PPM1H: variants seen among roughly 807,000 people sequenced by gnomAD.
PPM1H encodes the protein protein phosphatase 1H.
A neutral mutation model predicts 54.9 loss-of-function variants in PPM1H; 27 were observed. The observed-to-expected ratio is 0.49, with a 90% CI of 0.36 to 0.68. The LOEUF (loss-of-function observed/expected upper bound fraction) is 0.68. Among genes scored for constraint, PPM1H ranks in the 30% least tolerant of loss-of-function variants. The pLI is 0.00. For synonymous variants in PPM1H, 305 were observed against 270.8 expected, an observed-to-expected ratio of 1.13 and a Z score of -1.24; for missense variants, 596 against 667.8, an observed-to-expected ratio of 0.89 and a Z score of 1.19.
chr12:62,734,188 G>A (rs1477156617), intron 5 of PPM1H, among the ~76,000 whole-genome samples: 2 of 150,970 alleles, frequency 1.3e-5, no homozygotes, highest in African/African-American at 2.4e-5. Context: ...TACAAATCAG[G>A]AAGTAGAGCC....
intron 2 of PPM1H, among the ~76,000 whole-genome samples, chr12:62,806,341 A>G (rs11615499): frequency 0.1 from 15,585 of 152,266 alleles, 883 homozygotes; most frequent in African/African-American, 0.13. Context: ...TTTTAATTCA[A>G]CCAATATGTG....
intron 1 of PPM1H, among the ~76,000 whole-genome samples, chr12:62,908,720 A>C (rs1424130824): frequency 6.6e-6 from 1 of 152,246 alleles, no homozygotes; most frequent in Non-Finnish European, 1.5e-5. Flanking sequence ...AATGGGTAAC[A>C]AAAGAGATGC....
At chr12:62,905,328 C>T (rs1410326372) in intron 1 of PPM1H, among the ~76,000 whole-genome samples, 1 of 152,076 alleles carries the variant, frequency 6.6e-6, no homozygotes. Flanking sequence ...ATTGGCAAGG[C>T]TCAACGTGTG....
At chr12:62,732,995 A>T (rs1322970584) in intron 5 of PPM1H, among the ~76,000 whole-genome samples, 1 of 152,192 alleles carries the variant, frequency 6.6e-6, no homozygotes, top group Non-Finnish European at 1.5e-5. Flanking sequence ...AAAATAATGA[A>T]TCAGTAGGAT....
intron 1 of PPM1H, among the ~76,000 whole-genome samples, chr12:62,857,260 T>A (rs909301158): frequency 2.6e-5 from 4 of 151,918 alleles, no homozygotes; most frequent in African/African-American, 9.7e-5. Flanking sequence ...GAAGGAAAGA[T>A]TACTACTGTT....
rs533781091 is a variant in PPM1H, at chr12:62,718,233, G to A, written c.1073+1938C>T. 4.6e-5 allele frequency among the ~76,000 whole-genome samples: 7 copies of A among 152,318 alleles called. No homozygotes were observed. In the South Asian group the frequency reaches 1.2e-3, roughly 27 times the overall value. ...CATATTTAAATAGGCAACTGGTGCTGTCAATGACTTAACCTCTTACCTTTA... is the reference window on the plus strand; with the variant it reads ...CATATTTAAATAGGCAACTGGTGCTATCAATGACTTAACCTCTTACCTTTA... On this transcript the variant is annotated intron_variant, in intron 6 of 9. Transcript: ENST00000228705.
chr12:62,821,228 A>C (rs1282464702), intron 2 of PPM1H, among the ~76,000 whole-genome samples: 1 of 152,218 alleles, frequency 6.6e-6, no homozygotes, highest in Non-Finnish European at 1.5e-5. Flanking sequence ...GAGAAAAAAA[A>C]GTAAAAAGAA....
chr12:62,658,858 C>CA (rs1565747149), intron 9 of PPM1H: 11 of 589,782 alleles, frequency 1.9e-5, no homozygotes, highest in Admixed American at 3.9e-5. Context: ...CCAAGATTGT[C>CA]AAAAAAAGAA....
At chr12:62,828,288 C>T (rs747257990) in intron 2 of PPM1H, among the ~76,000 whole-genome samples, 19 of 152,204 alleles carry the variant, frequency 1.2e-4, no homozygotes, top group Admixed American at 2.0e-4. Flanking sequence ...CACTCCACTC[C>T]TATGACTTTT....
chr12:62,762,259 A>AG (rs1292869750), intron 4 of PPM1H, among the ~76,000 whole-genome samples: 1 of 152,178 alleles, frequency 6.6e-6, no homozygotes, highest in Non-Finnish European at 1.5e-5. Context: ...GCTTGTCCAG[A>AG]GGGGGCTCAC....
chr12:62,934,649 A>AGCT lies in PPM1H; in HGVS notation c.85_87dup (p.Ser29dup). ...CGCAGGGGCAGGTCCGAGCCTCCGC[A>AGCT]GCTGCCGCCGCCGTGCTCGGAGCCT... On this transcript the variant is annotated inframe_insertion, in exon 1 of 10. Transcript: ENST00000228705. The surrounding 1 kb of genome is among the most constrained non-coding windows in gnomAD (Gnocchi z 4.2). The AGCT allele has an allele frequency of 6.3e-7, 1 of 1,596,302 alleles. No homozygotes were observed. The highest frequency in any genetic ancestry group is 8.5e-7 in the Non-Finnish European group (1 of 1,172,972).
At chr12:62,667,537 A>G (rs2075926784) in intron 8 of PPM1H, among the ~76,000 whole-genome samples, 1 of 152,172 alleles carries the variant, frequency 6.6e-6, no homozygotes, top group African/African-American at 2.4e-5. Context: ...GGCCTAATAC[A>G]CATTTGTGAA....
intron 9 of PPM1H, among the ~76,000 whole-genome samples, chr12:62,665,489 T>C (rs2136610409): frequency 6.6e-6 from 1 of 152,342 alleles, no homozygotes; most frequent in Middle Eastern, 3.4e-3. Flanking sequence ...TAGAGCACCT[T>C]AGGCCATCTT....
intron 6 of PPM1H, among the ~76,000 whole-genome samples, chr12:62,710,890 G>T (rs560500032): frequency 1.3e-5 from 2 of 152,314 alleles, no homozygotes; most frequent in Admixed American, 1.3e-4. Context: ...CTCCATAATA[G>T]CTAATGATTA....
intron 1 of PPM1H, among the ~76,000 whole-genome samples, chr12:62,925,326 C>G (rs971965599): frequency 6.6e-6 from 1 of 152,114 alleles, no homozygotes; most frequent in Non-Finnish European, 1.5e-5. Flanking sequence ...CACCTGCAAT[C>G]CCAGCATTTT....
At chr12:62,911,062 ACCTACTTC>A (rs1307588648) in intron 1 of PPM1H, among the ~76,000 whole-genome samples, 1 of 152,224 alleles carries the variant, frequency 6.6e-6, no homozygotes, top group Non-Finnish European at 1.5e-5. Flanking sequence ...CACCACCACT[ACCTACTTC>A]CCAAGGCCTA....
In PPM1H at chr12:62,644,140, C is replaced by CA. The variant is rs1460784781; in HGVS notation, c.*4348dup. The CA allele has an allele frequency of 6.6e-6, 1 of 152,106 alleles. No homozygotes were observed. The highest frequency in any genetic ancestry group is 2.4e-5 in the African/African-American group (1 of 41,506). 9.4% of individuals were successfully genotyped at this position (152,106 alleles called of 1,614,324 possible). On this transcript the variant is annotated 3_prime_UTR_variant, in exon 10 of 10. Transcript: ENST00000228705. The stretch of plus-strand genomic sequence containing the variant: ...CTAAACAGTTTTCATTTTGGGGTTA[C>CA]AAAAAAGTCAATGTTTCACAATCAC...
rs1204244970 is a variant in PPM1H at position 62,788,736 on chromosome 12, G to GT, written c.757-399dup. Among the ~76,000 whole-genome samples, 5 of 152,250 alleles carry GT rather than the reference G, an allele frequency of 3.3e-5. No homozygotes were observed. In the South Asian group the frequency reaches 6.2e-4, roughly 19 times the overall value. On this transcript the variant is annotated intron_variant, in intron 3 of 9. Coordinates refer to ENST00000228705, the MANE Select transcript of PPM1H (RefSeq NM_020700.2). The stretch of plus-strand genomic sequence containing the variant: ...CTTGGACCTGATCAATGTTTTGTTT[G>GT]TTTTTTGAAGACAGGATCTGGCTCT...
chr12:62,701,683 T>G (rs1028933498), intron 6 of PPM1H, among the ~76,000 whole-genome samples: 57 of 151,376 alleles, frequency 3.8e-4, no homozygotes, highest in African/African-American at 1.2e-3. Flanking sequence ...TTTGTTTGTT[T>G]TTTTTTTTTG....
Sources: allele counts gnomAD v4.1 joint callset (sites outside exome capture counted in the v4.1 genomes callset), GRCh38; gene constraint gnomAD v4.1.1; non-coding constraint Gnocchi (gnomAD v3.1); transcripts MANE v1.5; gene names NCBI Gene and HGNC (gene_info 2026-07-23, HGNC 2026-07-21).